NPEPPS: variants seen among roughly 807,000 people sequenced by gnomAD.
The protein encoded by NPEPPS is puromycin-sensitive aminopeptidase.
In NPEPPS, 14 loss-of-function variants were observed where a neutral mutation model predicts 115.5. The ratio of observed to expected loss-of-function variants is 0.12; its 90% CI spans 0.08 to 0.19. The LOEUF (loss-of-function observed/expected upper bound fraction) is 0.19. Ranked by LOEUF, NPEPPS falls within the 10% of genes least tolerant of loss-of-function variation. NPEPPS has a pLI of 1.00. For missense variants in NPEPPS, 523 were observed against 1,110.8 expected (o/e 0.47, Z 7.52); for synonymous variants, 285 against 390.6 (o/e 0.73, Z 3.19).
At chr17:47,616,784 CAAAAAAAAAA>C in intron 19 of NPEPPS, among the ~76,000 whole-genome samples, 1 of 85,570 alleles carries the variant, frequency 1.2e-5, no homozygotes, top group Non-Finnish European at 2.5e-5. Context: ...GACTCCATCT[CAAAAAAAAAA>C]AAAAAAGAGA....
chr17:47,594,754 T>A (rs1382190427), intron 12 of NPEPPS, among the ~76,000 whole-genome samples: 3 of 151,238 alleles, frequency 2.0e-5, no homozygotes, highest in Non-Finnish European at 4.4e-5. Context: ...TGCCTCAGCC[T>A]CCCGAGTAGC....
At chr17:47,595,312 C>T (rs1597873475) in intron 12 of NPEPPS, among the ~76,000 whole-genome samples, 3 of 152,072 alleles carry the variant, frequency 2.0e-5, no homozygotes, top group Admixed American at 1.3e-4. Flanking sequence ...GTGATCCGCC[C>T]GCTTTGGCCT....
intron 16 of NPEPPS, among the ~76,000 whole-genome samples, chr17:47,605,005 C>T (rs976169330): frequency 2.6e-5 from 4 of 152,136 alleles, no homozygotes; most frequent in Non-Finnish European, 5.9e-5. Flanking sequence ...GCCAAGTCCC[C>T]AGAAACTGAG....
intron 1 of NPEPPS, among the ~76,000 whole-genome samples, chr17:47,523,613 G>A (rs1907308626): frequency 6.6e-6 from 1 of 151,682 alleles, no homozygotes; most frequent in South Asian, 2.1e-4. Flanking sequence ...AGTAGAAATG[G>A]GGTTTCACCA....
chr17:47,556,097 T>C (rs1910007498), intron 2 of NPEPPS, among the ~76,000 whole-genome samples: 1 of 147,174 alleles, frequency 6.8e-6, no homozygotes, highest in Non-Finnish European at 1.5e-5. Context: ...TTTTTTTTAA[T>C]TCATCATTCT....
chr17:47,583,517 G>A (rs578010602), intron 5 of NPEPPS, among the ~76,000 whole-genome samples: 6 of 151,990 alleles, frequency 3.9e-5, no homozygotes, highest in South Asian at 4.2e-4. Context: ...CCCAGGAAGC[G>A]GAGTTTGTAG....
chr17:47,534,382 A>G (rs1178774542), intron 1 of NPEPPS, among the ~76,000 whole-genome samples: 1 of 151,916 alleles, frequency 6.6e-6, no homozygotes, highest in Non-Finnish European at 1.5e-5. Flanking sequence ...CCCGGCGACA[A>G]AATTCTTATC....
chr17:47,543,770 T>TTGAA (rs1280992587), intron 1 of NPEPPS, among the ~76,000 whole-genome samples: 1 of 152,148 alleles, frequency 6.6e-6, no homozygotes, highest in Non-Finnish European at 1.5e-5. Flanking sequence ...CTTGGTAAAG[T>TTGAA]TGAAGATTTA....
At chr17:47,540,658 C>A (rs1054604972) in intron 1 of NPEPPS, among the ~76,000 whole-genome samples, 2 of 152,172 alleles carry the variant, frequency 1.3e-5, no homozygotes, top group African/African-American at 4.8e-5. Context: ...TCATTCTGAT[C>A]AGAAGCTTTA....
intron 1 of NPEPPS, among the ~76,000 whole-genome samples, chr17:47,525,932 C>T (rs1216782677): frequency 1.3e-5 from 2 of 152,122 alleles, no homozygotes; most frequent in Admixed American, 1.3e-4. Flanking sequence ...AATTATAGGC[C>T]AGGCGCGGTG....
chr17:47,579,047 A>G (rs1190137702), intron 3 of NPEPPS, among the ~76,000 whole-genome samples: 7 of 152,210 alleles, frequency 4.6e-5, no homozygotes, highest in Non-Finnish European at 7.4e-5. Flanking sequence ...ATAGTTATAT[A>G]TATTTTAAAA....
intron 12 of NPEPPS, among the ~76,000 whole-genome samples, chr17:47,593,697 C>G (rs1291043426): frequency 2.0e-5 from 3 of 152,216 alleles, no homozygotes; most frequent in African/African-American, 7.2e-5. Flanking sequence ...ACAGTATGTC[C>G]TAGGCTATGT....
At chr17:47,578,219 AG>A (rs1567855358) in intron 3 of NPEPPS, among the ~76,000 whole-genome samples, 133 of 57,866 alleles carry the variant, frequency 2.3e-3, no homozygotes, top group African/African-American at 4.7e-3. Flanking sequence ...AAAAAAAAAG[AG>A]AGAAAGTCAC....
At chr17:47,600,025 G>T (rs1355734305) in intron 14 of NPEPPS, among the ~76,000 whole-genome samples, 1 of 151,972 alleles carries the variant, frequency 6.6e-6, no homozygotes, top group East Asian at 1.9e-4. Flanking sequence ...TCACCATGTT[G>T]GCCAGACTGG....
intron 3 of NPEPPS, 113 bp downstream of exon 3, chr17:47,569,607 A>G: frequency 6.6e-6 from 4 of 603,246 alleles, no homozygotes; most frequent in Non-Finnish European, 5.9e-6. Context: ...CAGATTAAGT[A>G]TTAAGAGCTT....
chr17:47,576,559 C>T (rs960720049), intron 3 of NPEPPS, among the ~76,000 whole-genome samples: 1 of 152,096 alleles, frequency 6.6e-6, no homozygotes, highest in Non-Finnish European at 1.5e-5. Context: ...AAATTATTCT[C>T]TTTATTTTTA....
At chr17:47,582,641 A>G (rs1911956085) in intron 4 of NPEPPS, 101 bp from the exon 5 acceptor site, 1 of 801,562 alleles carries the variant, frequency 1.2e-6, no homozygotes, top group African/African-American at 1.7e-5. Context: ...AAATATTTGA[A>G]CAAGGGAATG....
At chr17:47,525,171 T>G (rs1339148488) in intron 1 of NPEPPS, among the ~76,000 whole-genome samples, 2 of 152,128 alleles carry the variant, frequency 1.3e-5, no homozygotes, top group Non-Finnish European at 2.9e-5. Context: ...AAGGGAACTG[T>G]GTGTTACCTT....
chr17:47,539,106 T>C (rs1212073349), intron 1 of NPEPPS, among the ~76,000 whole-genome samples: 2 of 151,526 alleles, frequency 1.3e-5, no homozygotes, highest in Admixed American at 1.3e-4. Flanking sequence ...AGGCCTTTTT[T>C]TTTTTTTTTT....
Sources: allele counts gnomAD v4.1 joint callset (sites outside exome capture counted in the v4.1 genomes callset), GRCh38; gene constraint gnomAD v4.1.1; transcripts MANE v1.5; gene names NCBI Gene and HGNC (gene_info 2026-07-23, HGNC 2026-07-21).